Variants in PGM5 observed in about 807,000 individuals in gnomAD.
PGM5 encodes phosphoglucomutase 5.
In PGM5, 23 loss-of-function variants were observed where a neutral mutation model predicts 59.2. That is an observed-to-expected ratio of 0.39 (90% CI 0.28 to 0.55). The LOEUF is 0.55. Among genes scored for constraint, PGM5 ranks in the 20% least tolerant of loss-of-function variants. PGM5 has a pLI of 0.66. For synonymous variants in PGM5, 214 were observed against 286.0 expected, an observed-to-expected ratio of 0.75 and a Z score of 2.54; for missense variants, 574 against 748.3, an observed-to-expected ratio of 0.77 and a Z score of 2.72.
intron 6 of PGM5, among the ~76,000 whole-genome samples, chr9:68,413,978 A>G (rs1357572531): frequency 1.3e-5 from 2 of 152,278 alleles, no homozygotes; most frequent in Admixed American, 1.3e-4. Flanking sequence ...AGGTGTTTGG[A>G]TCATGAGATG....
chr9:68,380,089 C>A (rs1554678198), intron 2 of PGM5, among the ~76,000 whole-genome samples: 2 of 151,630 alleles, frequency 1.3e-5, no homozygotes, highest in Non-Finnish European at 3.0e-5. Flanking sequence ...TTGAACTATA[C>A]TTCAGACCAA....
chr9:68,469,188 G>A (rs1823984013), intron 7 of PGM5, among the ~76,000 whole-genome samples: 2 of 152,318 alleles, frequency 1.3e-5, no homozygotes, highest in South Asian at 4.1e-4. Flanking sequence ...AAAGTGCTGG[G>A]ATGGCAGGCA....
chr9:68,401,915 G>T (rs1160121210), intron 6 of PGM5, among the ~76,000 whole-genome samples: 1 of 148,586 alleles, frequency 6.7e-6, no homozygotes, highest in African/African-American at 2.5e-5. Flanking sequence ...GTGTGTGTGT[G>T]TGTGTGTGTG....
chr9:68,373,562 C>T (rs180963135), intron 1 of PGM5, among the ~76,000 whole-genome samples: 9,890 of 152,068 alleles, frequency 0.065, 404 homozygotes, highest in African/African-American at 0.12. Context: ...TTTCTAAGTC[C>T]TTGCCCCAAA....
chr9:68,475,327 G>C (rs948373799), intron 7 of PGM5, among the ~76,000 whole-genome samples: 8 of 151,558 alleles, frequency 5.3e-5, no homozygotes, highest in Non-Finnish European at 1.2e-4. Flanking sequence ...GAGCCACCGT[G>C]CCTGGCTAAC....
chr9:68,483,514 T>C (rs1167118616), intron 8 of PGM5, among the ~76,000 whole-genome samples: 1 of 152,074 alleles, frequency 6.6e-6, no homozygotes, highest in Non-Finnish European at 1.5e-5. Context: ...CTGGAGCCAG[T>C]GAACAATGAT....
chr9:68,519,211 T>C (rs1824863041), intron 10 of PGM5, among the ~76,000 whole-genome samples: 1 of 152,138 alleles, frequency 6.6e-6, no homozygotes, highest in Admixed American at 6.6e-5. Flanking sequence ...AGGAAAATTA[T>C]CCCAGATAGA....
At chr9:68,373,777 G>C (rs1397222721) in intron 1 of PGM5, among the ~76,000 whole-genome samples, 2 of 152,192 alleles carry the variant, frequency 1.3e-5, no homozygotes, top group Non-Finnish European at 2.9e-5. Context: ...GTCCAATGAG[G>C]ATGTCCCTGG....
chr9:68,392,165 G>C (rs1822381219), intron 5 of PGM5, among the ~76,000 whole-genome samples, 154 bp from the exon 6 acceptor site: 1 of 152,172 alleles, frequency 6.6e-6, no homozygotes, highest in African/African-American at 2.4e-5. Context: ...GGTACTCAGA[G>C]ATTTCGAAGA....
Position 68,374,826 on chromosome 9 carries a change from A to T in PGM5, c.262-3373A>T, listed in dbSNP as rs148285358. 5.7e-3 allele frequency among the ~76,000 whole-genome samples: 865 copies of T among 152,362 alleles called. 11 individuals carry two copies. Among genetic ancestry groups the T allele is most frequent in the African/African-American group, 0.02 (813 of 41,584 alleles). On this transcript the variant is annotated intron_variant, in intron 1 of 10. Coordinates refer to ENST00000396396, the MANE Select transcript of PGM5 (RefSeq NM_021965.4). ...GGAATATAGCAGTGAAAAAGAAAAC[A>T]GTCCTTGGATCTTATATACAGTGGG...
chr9:68,380,975 C>T (rs1238027237), intron 2 of PGM5, among the ~76,000 whole-genome samples: 33 of 151,712 alleles, frequency 2.2e-4, no homozygotes, highest in African/African-American at 3.4e-4. Context: ...TAGGACCAAA[C>T]GGCTTCATGG....
At position 68,357,277 on chromosome 9, in the gene PGM5, G is replaced by A. The variant is rs563239193; in HGVS notation, c.150G>A (p.Ser50=). Residue 50 remains serine, a synonymous_variant, in exon 1 of 11, where the codon TCG becomes TCA. Transcript: ENST00000396396. ...YLPNFIQSVL[S]SIDLRDRQGC... ...CCAACTTTATCCAGAGCGTGCTGTC[G>A]TCCATCGACCTGCGCGACCGTCAGG... The A allele has an allele frequency of 6.5e-7, 1 of 1,544,640 alleles. No individual in the cohort carries two copies. Among genetic ancestry groups the A allele is most frequent in the East Asian group, 2.4e-5 (1 of 40,854 alleles).
chr9:68,464,014 G>A (rs1587818480), intron 6 of PGM5, among the ~76,000 whole-genome samples: 2 of 152,170 alleles, frequency 1.3e-5, no homozygotes, highest in East Asian at 3.9e-4. Context: ...ATCCTGTCTG[G>A]GTTATATTTA....
At chr9:68,371,230 C>A (rs1442385069) in intron 1 of PGM5, among the ~76,000 whole-genome samples, 1 of 152,206 alleles carries the variant, frequency 6.6e-6, no homozygotes, top group Non-Finnish European at 1.5e-5. Context: ...GGACGTTCAG[C>A]GGGGAGCAAC....
At chr9:68,379,215 C>T (rs1242687894) in intron 2 of PGM5, among the ~76,000 whole-genome samples, 1 of 152,144 alleles carries the variant, frequency 6.6e-6, no homozygotes, top group Non-Finnish European at 1.5e-5. Flanking sequence ...TTATTCAAAT[C>T]AGGATACATC....
chr9:68,419,008 C>T (rs1554682188), intron 6 of PGM5, among the ~76,000 whole-genome samples: 1 of 152,160 alleles, frequency 6.6e-6, no homozygotes, highest in East Asian at 1.9e-4. Flanking sequence ...GGAACTTTTA[C>T]TTAATACTTT....
chr9:68,429,769 A>G (rs1206782609), intron 6 of PGM5, among the ~76,000 whole-genome samples: 1 of 152,192 alleles, frequency 6.6e-6, no homozygotes, highest in Non-Finnish European at 1.5e-5. Context: ...TCCATCCTGG[A>G]GTTTAACAGC....
chr9:68,414,421 T>A (rs1369868123), intron 6 of PGM5, among the ~76,000 whole-genome samples: 1 of 152,170 alleles, frequency 6.6e-6, no homozygotes, highest in Non-Finnish European at 1.5e-5. Context: ...AATGAAAGGA[T>A]ATGCTATTGG....
chr9:68,455,120 AT>A (rs1451702770), intron 6 of PGM5, among the ~76,000 whole-genome samples: 2 of 152,174 alleles, frequency 1.3e-5, no homozygotes, highest in African/African-American at 4.8e-5. Context: ...CTGTGACCTG[AT>A]TTGGCTTCAT....
Sources: allele counts gnomAD v4.1 joint callset (sites outside exome capture counted in the v4.1 genomes callset), GRCh38; gene constraint gnomAD v4.1.1; transcripts MANE v1.5; gene names NCBI Gene and HGNC (gene_info 2026-07-23, HGNC 2026-07-21).